The following ADAMTS17 variants were observed in gnomAD, a reference collection of about 807,000 sequenced individuals.
The protein encoded by ADAMTS17 is ADAM metallopeptidase with thrombospondin type 1 motif 17, also known as A disintegrin and metalloproteinase with thrombospondin motifs 17.
ADAMTS17 carries 113 observed loss-of-function variants against 141.5 expected under a neutral mutation model. The observed-to-expected ratio is 0.80, with a 90% CI of 0.69 to 0.93. The LOEUF (loss-of-function observed/expected upper bound fraction) is 0.93. Ranked by LOEUF, ADAMTS17 falls within the 40% of genes least tolerant of loss-of-function variation. The pLI is 0.00. For synonymous variants in ADAMTS17, 768 were observed against 630.6 expected (o/e 1.22, Z -3.27); for missense variants, 1,659 against 1,517.9 (o/e 1.09, Z -1.54).
intron 18 of ADAMTS17, among the ~76,000 whole-genome samples, chr15:100,020,313 G>A (rs2061380305): frequency 1.3e-5 from 2 of 152,242 alleles, no homozygotes; most frequent in African/African-American, 4.8e-5. Context: ...GTAGGGAGGT[G>A]CTCAGCAGTC....
At chr15:100,122,865 G>A (rs1392206719) in intron 12 of ADAMTS17, among the ~76,000 whole-genome samples, 1 of 152,202 alleles carries the variant, frequency 6.6e-6, no homozygotes, top group Non-Finnish European at 1.5e-5. Flanking sequence ...AGCAGAGACA[G>A]AAAAAAACCC....
At chr15:100,183,904 G>A (rs78449829) in intron 8 of ADAMTS17, among the ~76,000 whole-genome samples, 1,836 of 152,262 alleles carry the variant, frequency 0.012, 49 homozygotes, top group African/African-American at 0.041. Flanking sequence ...CTCTTCAGTC[G>A]CTGCTGGTGA....
Position 100,173,914 on chromosome 15 carries a change from C to A in ADAMTS17, c.1182-18594G>T, listed in dbSNP as rs566456063. ...AGTGTACCACTGAGGCCAAACATCA[C>A]CACTAGAAACAGGCTGTCTGTGAAT... On this transcript the variant is annotated intron_variant, in intron 8 of 21. Transcript: ENST00000268070. Among the ~76,000 whole-genome samples, 14 of 152,318 alleles carry A rather than the reference C, an allele frequency of 9.2e-5. No homozygotes were observed. In the South Asian group the frequency reaches 2.9e-3, roughly 32 times the overall value.
At chr15:100,027,426 G>A (rs890498173) in intron 18 of ADAMTS17, among the ~76,000 whole-genome samples, 17 of 152,108 alleles carry the variant, frequency 1.1e-4, no homozygotes, top group African/African-American at 3.6e-4. Flanking sequence ...CCCTTTTACC[G>A]CTGACCCTAG....
chr15:100,335,293 G>C (rs1567551160), intron 2 of ADAMTS17, among the ~76,000 whole-genome samples: 1 of 152,120 alleles, frequency 6.6e-6, no homozygotes, highest in Non-Finnish European at 1.5e-5. Context: ...ACGCCTGCCA[G>C]TTCAGTTCCT....
intron 7 of ADAMTS17, among the ~76,000 whole-genome samples, chr15:100,253,172 G>A (rs563426455): frequency 2.6e-5 from 4 of 151,564 alleles, no homozygotes; most frequent in South Asian, 2.1e-4. Context: ...TCAGCCTCCC[G>A]ATGAACAAAG....
intron 8 of ADAMTS17, among the ~76,000 whole-genome samples, chr15:100,171,493 T>C (rs2040159095): frequency 6.6e-6 from 1 of 152,160 alleles, no homozygotes; most frequent in African/African-American, 2.4e-5. Context: ...CCCTGACCCC[T>C]GCACGCTCCC....
chr15:100,228,661 C>A (rs1000359809), intron 7 of ADAMTS17, among the ~76,000 whole-genome samples: 9 of 152,196 alleles, frequency 5.9e-5, no homozygotes, highest in Admixed American at 6.5e-5. Context: ...GGGCATGAAA[C>A]GTCAAATGCC....
intron 18 of ADAMTS17, among the ~76,000 whole-genome samples, chr15:100,006,242 G>T (rs1261156763): frequency 6.6e-6 from 1 of 152,098 alleles, no homozygotes; most frequent in Non-Finnish European, 1.5e-5. Context: ...ACTCCTCTTG[G>T]CCACACAGGA....
intron 18 of ADAMTS17, among the ~76,000 whole-genome samples, chr15:100,001,621 A>T (rs2060925085): frequency 6.6e-6 from 1 of 152,156 alleles, no homozygotes; most frequent in Admixed American, 6.5e-5. Flanking sequence ...GCAGTGTGTG[A>T]GAAATCTCTC....
chr15:100,133,097 G>A (rs779906052), intron 11 of ADAMTS17, 117 bp downstream of exon 11: 80 of 1,001,666 alleles, frequency 8.0e-5, no homozygotes, highest in African/African-American at 5.7e-4. Flanking sequence ...TTTCTGTGCC[G>A]CCTGGGGGAT....
At chr15:100,312,303 A>G (rs1326211884) in intron 3 of ADAMTS17, among the ~76,000 whole-genome samples, 1 of 152,208 alleles carries the variant, frequency 6.6e-6, no homozygotes, top group Admixed American at 6.5e-5. Context: ...AAGACTCAAC[A>G]GCCACTGCTG....
intron 15 of ADAMTS17, among the ~76,000 whole-genome samples, chr15:100,073,208 A>G (rs1242310982): frequency 1.3e-5 from 2 of 152,206 alleles, no homozygotes; most frequent in Non-Finnish European, 2.9e-5. Context: ...CAAAACCACA[A>G]TGAGATACCA....
At chr15:100,013,417 C>T (rs891365096) in intron 18 of ADAMTS17, among the ~76,000 whole-genome samples, 28 of 152,096 alleles carry the variant, frequency 1.8e-4, no homozygotes, top group Non-Finnish European at 5.9e-5. Flanking sequence ...ACTTCCAGTA[C>T]TATGTTGAAG....
In ADAMTS17 at chr15:100,265,360, G is replaced by A. The variant is rs184946192; in HGVS notation, c.790-2925C>T. Among the ~76,000 whole-genome samples, 453 of 152,292 alleles carry A rather than the reference G, an allele frequency of 3.0e-3. 2 individuals carry two copies. Among genetic ancestry groups the A allele is most frequent in the African/African-American group, 0.011 (438 of 41,548 alleles). The stretch of plus-strand genomic sequence containing the variant: ...GCTCAGGAGAAGTCTTGGAGGCAAC[G>A]GCTATATGTTTAGGGAGACACCTGG... On this transcript the variant is annotated intron_variant, in intron 4 of 21. Transcript: ENST00000268070.
Position 100,281,268 on chromosome 15 carries a change from G to A in ADAMTS17, c.750C>T (p.Ala250=), listed in dbSNP as rs745743829. 75 of 1,607,372 alleles carry A rather than the reference G, an allele frequency of 4.7e-5. No homozygotes were observed. Among genetic ancestry groups the A allele is most frequent in the Admixed American group, 6.7e-5 (4 of 60,008 alleles). The change falls in exon 4 of 22, where the codon GCC becomes GCT. Residue 250 remains alanine, a synonymous_variant. Coordinates refer to ENST00000268070, the MANE Select transcript of ADAMTS17 (RefSeq NM_139057.4). ...TCAGGATGAACCTCTGGGCGGCCTC[G>A]GCCCCGTGGTACTGCACCATGTCGG... ...ADADMVQYHG[A]EAAQRFILTV...
chr15:100,136,331 G>A (rs1311922993), intron 10 of ADAMTS17, among the ~76,000 whole-genome samples: 1 of 152,184 alleles, frequency 6.6e-6, no homozygotes, highest in Non-Finnish European at 1.5e-5. Context: ...AAAAGAAAAC[G>A]GGAATGACAG....
At chr15:100,158,240 T>C (rs920003426) in intron 8 of ADAMTS17, among the ~76,000 whole-genome samples, 12 of 152,208 alleles carry the variant, frequency 7.9e-5, no homozygotes, top group African/African-American at 2.4e-4. Context: ...CTCAGCTTTT[T>C]ACTTTACTTT....
At chr15:100,236,357 C>G (rs1439989330) in intron 7 of ADAMTS17, among the ~76,000 whole-genome samples, 1 of 151,056 alleles carries the variant, frequency 6.6e-6, no homozygotes, top group Non-Finnish European at 1.5e-5. Context: ...GAGTGTGGTC[C>G]CCACACCAGC....
Sources: gnomAD v4.1 joint callset for allele counts (sites outside exome capture counted in the v4.1 genomes callset) on GRCh38, gnomAD v4.1.1 for gene constraint, MANE v1.5 for transcripts, NCBI Gene and HGNC (gene_info 2026-07-23, HGNC 2026-07-21) for gene names.